ENTPD7: variants seen among roughly 807,000 people sequenced by gnomAD.
ENTPD7 encodes NTPDase 7.
In ENTPD7, 53 loss-of-function variants were observed where a neutral mutation model predicts 77.9. The observed-to-expected ratio is 0.68, with a 90% CI of 0.55 to 0.85. The LOEUF is 0.85. Ranked by LOEUF, ENTPD7 falls within the 40% of genes least tolerant of loss-of-function variation. The pLI is 0.00. For missense variants in ENTPD7, 636 were observed against 743.7 expected (o/e 0.86, Z 1.68); for synonymous variants, 248 against 274.9 (o/e 0.90, Z 0.97).
chr10:99,711,002 G>A lies in ENTPD7; in HGVS notation c.*6319G>A. The A allele has an allele frequency of 1.0e-6, 1 of 984,800 alleles. No individual in the cohort carries two copies. Among genetic ancestry groups the A allele is most frequent in the East Asian group, 1.1e-4 (1 of 8,824 alleles). 61.0% of individuals were successfully genotyped at this position (984,800 alleles called of 1,614,324 possible). The stretch of plus-strand genomic sequence containing the variant: ...TGATGACTTGTTTTTTTGGAAAAAG[G>A]TATTTGGAACATCAATCTGTAATTA... On this transcript the variant is annotated 3_prime_UTR_variant, in exon 13 of 13. Transcript: ENST00000370489.
At chr10:99,697,776 C>G (rs993556388) in intron 9 of ENTPD7, 2 of 161,124 alleles carry the variant, frequency 1.2e-5, no homozygotes, top group Non-Finnish European at 2.8e-5. Context: ...GTCCACTCTT[C>G]AACATCTGTC....
chr10:99,685,914 T>C lies in ENTPD7; in HGVS notation c.652+19T>C, dbSNP rs1168066951. ...CAGGAAGGTACTGGGCCTTAAGGGGTGCAGCTGGTTAACCTCTAAGCCAAC... is the reference window on the plus strand; with the variant it reads ...CAGGAAGGTACTGGGCCTTAAGGGGCGCAGCTGGTTAACCTCTAAGCCAAC... On this transcript the variant is annotated intron_variant, in intron 6 of 12. Coordinates refer to ENST00000370489, the MANE Select transcript of ENTPD7 (RefSeq NM_020354.5). The C allele has an allele frequency of 1.3e-6, 2 of 1,565,724 alleles. No homozygotes were observed. The highest frequency in any genetic ancestry group is 2.7e-5 in the African/African-American group (2 of 74,082).
intron 6 of ENTPD7, among the ~76,000 whole-genome samples, chr10:99,687,716 G>C (rs1028569045): frequency 1.3e-5 from 2 of 152,126 alleles, no homozygotes; most frequent in Non-Finnish European, 2.9e-5. Flanking sequence ...CCATGTATTT[G>C]TAGCTTGGAG....
intron 5 of ENTPD7, among the ~76,000 whole-genome samples, chr10:99,685,205 C>T (rs536634612): frequency 3.0e-4 from 45 of 152,214 alleles, no homozygotes; most frequent in Admixed American, 1.1e-3. Context: ...TGCAGTGAGC[C>T]GAGATCATGC....
chr10:99,670,077 C>T (rs2035602569), intron 3 of ENTPD7, among the ~76,000 whole-genome samples: 2 of 152,152 alleles, frequency 1.3e-5, no homozygotes, highest in Admixed American at 6.5e-5. Flanking sequence ...AACTATTTTT[C>T]TGGCATGTGC....
chr10:99,702,545 A>G lies in ENTPD7; in HGVS notation c.1455A>G (p.Gln485=). The change falls in exon 12 of 13, where the codon CAA becomes CAG. Residue 485 remains glutamine, a synonymous_variant. Coordinates refer to ENST00000370489, the MANE Select transcript of ENTPD7 (RefSeq NM_020354.5). ...GTTTTAAATCGGCTTGGATGTACCA[A>G]GTCTTACATGAAGGATTCCACTTTC... The part of the protein sequence containing the change: ...YQCFKSAWMY[Q]VLHEGFHFPY... 6.2e-7 allele frequency: 1 copy of G among 1,606,194 alleles called. No homozygotes were observed. Among genetic ancestry groups the G allele is most frequent in the Non-Finnish European group, 8.5e-7 (1 of 1,176,426 alleles).
In ENTPD7 at chr10:99,707,696, G is replaced by A. The variant is rs1327532081; in HGVS notation, c.*3013G>A. Among the ~76,000 whole-genome samples the A allele has an allele frequency of 1.3e-5, 2 of 152,134 alleles. No individual in the cohort carries two copies. Among genetic ancestry groups the A allele is most frequent in the Admixed American group, 6.5e-5 (1 of 15,278 alleles). The stretch of plus-strand genomic sequence containing the variant: ...CACAAACATCAAAATAGGAGTCCGT[G>A]GCTTGTAGTGATGCTTTTTAGTCTT... On this transcript the variant is annotated 3_prime_UTR_variant, in exon 13 of 13. Coordinates refer to ENST00000370489, the MANE Select transcript of ENTPD7 (RefSeq NM_020354.5).
chr10:99,698,881 G>A, intron 10 of ENTPD7, 23 bp downstream of exon 10: 1 of 1,562,326 alleles, frequency 6.4e-7, no homozygotes. Flanking sequence ...TGATAAACAT[G>A]GCTTATGCTG....
intron 3 of ENTPD7, among the ~76,000 whole-genome samples, chr10:99,662,525 A>G (rs2035499720): frequency 6.6e-6 from 1 of 152,060 alleles, no homozygotes; most frequent in African/African-American, 2.4e-5. Context: ...GCTCCACAAT[A>G]TATTGTTATT....
rs1439513615 is a variant in ENTPD7 at position 99,704,968 on chromosome 10, G to A, written c.*285G>A. ...GCTTCGACTCCTTCTGAGAGGTCTG[G>A]TGTGTTCCTAGAATCTCACCTTTTC... On this transcript the variant is annotated 3_prime_UTR_variant, in exon 13 of 13. Transcript: ENST00000370489. 12 of 414,940 alleles carry A rather than the reference G, an allele frequency of 2.9e-5. No individual in the cohort carries two copies. Among genetic ancestry groups the A allele is most frequent in the Admixed American group, 7.5e-5 (2 of 26,776 alleles). The allele number at this position is 414,940 out of a possible 1,614,324, so 25.7% of individuals were successfully genotyped here.
At chr10:99,697,217 G>T (rs1196824349) in intron 9 of ENTPD7, among the ~76,000 whole-genome samples, 4 of 152,186 alleles carry the variant, frequency 2.6e-5, no homozygotes, top group Non-Finnish European at 5.9e-5. Context: ...ATTGACTAAT[G>T]CATTAAAATC....
Position 99,688,744 on chromosome 10 carries a change from G to A in ENTPD7, c.703G>A (p.Glu235Lys). 1.9e-6 allele frequency: 3 copies of A among 1,613,840 alleles called. No homozygotes were observed. The highest frequency in any genetic ancestry group is 2.2e-5 in the East Asian group (1 of 44,810). The change falls in exon 7 of 13, where the codon GAG becomes AAG. Residue 235 changes from glutamate (E) to lysine (K), a missense_variant. Around this residue, in one of 3 missense-constraint regions of ENTPD7, gnomAD observed 486 missense variants for 556.5 expected, o/e 0.87. Coordinates refer to ENST00000370489, the MANE Select transcript of ENTPD7 (RefSeq NM_020354.5). ...INFVLGRFDH[E>K]DESDAEATQE... Reference sequence around the variant, plus strand: ...CTTTGTTTTGGGAAGATTCGACCACGAGGATGGTGAGTAATATTGTCTTTT... The same window carrying A: ...CTTTGTTTTGGGAAGATTCGACCACAAGGATGGTGAGTAATATTGTCTTTT...
At position 99,708,355 on chromosome 10, in the gene ENTPD7, ATGTTT is replaced by A. The variant is rs1283595230; in HGVS notation, c.*3679_*3683del. The stretch of plus-strand genomic sequence containing the variant: ...CTAAACAGATGCTTCTCACAGTTTT[ATGTTT>A]TGTTTTTTGTCAGGGATGAAAGACA... On this transcript the variant is annotated 3_prime_UTR_variant, in exon 13 of 13. Transcript: ENST00000370489. Among the ~76,000 whole-genome samples the A allele has an allele frequency of 6.6e-6, 1 of 152,116 alleles. No individual in the cohort carries two copies. Among genetic ancestry groups the A allele is most frequent in the Non-Finnish European group, 1.5e-5 (1 of 68,020 alleles).
In ENTPD7 at chr10:99,678,328, C is replaced by T. The variant is rs1444364715; in HGVS notation, c.192-933C>T. On this transcript the variant is annotated intron_variant, in intron 3 of 12. Coordinates refer to ENST00000370489, the MANE Select transcript of ENTPD7 (RefSeq NM_020354.5). The stretch of plus-strand genomic sequence containing the variant: ...CTAAAAATACAAAAAATTAGCCAGG[C>T]GTGGTGGCGGGTGCCTGTAGTCCCA... Among the ~76,000 whole-genome samples, 12 of 151,648 alleles carry T rather than the reference C, an allele frequency of 7.9e-5. No homozygotes were observed. The East Asian group carries it at 1.7e-3, about 22-fold the overall frequency.
chr10:99,659,688 G>A lies in ENTPD7; in HGVS notation c.-96+100G>A. 5 of 443,646 alleles carry A rather than the reference G, an allele frequency of 1.1e-5. No homozygotes were observed. Among genetic ancestry groups the A allele is most frequent in the South Asian group, 1.1e-4 (4 of 37,558 alleles). 27.5% of individuals were successfully genotyped at this position (443,646 alleles called of 1,614,324 possible). A position where few individuals can be genotyped will look rare whatever the true frequency, so the allele number is the denominator to read the frequency against. ...GGGGACGACCGGTTCCTAGAGGACA[G>A]AGCTGGCCCACGAGAACGCCCCGCT... On this transcript the variant is annotated intron_variant, in intron 1 of 12. Coordinates refer to ENST00000370489, the MANE Select transcript of ENTPD7 (RefSeq NM_020354.5). The surrounding 1 kb of genome is among the most constrained non-coding windows in gnomAD (Gnocchi z 4.1).
chr10:99,697,061 G>A (rs575990609), intron 9 of ENTPD7, among the ~76,000 whole-genome samples: 6 of 152,286 alleles, frequency 3.9e-5, no homozygotes, highest in Non-Finnish European at 8.8e-5. Context: ...GGTATACCCC[G>A]TTTGTAATAA....
intron 8 of ENTPD7, among the ~76,000 whole-genome samples, chr10:99,692,885 G>A (rs2035906702): frequency 6.6e-6 from 1 of 152,078 alleles, no homozygotes; most frequent in African/African-American, 2.4e-5. Flanking sequence ...GATGTCAGTT[G>A]TGTGACTGTG....
At chr10:99,660,558 AC>A (rs1388890928) in intron 2 of ENTPD7, 1 of 338,086 alleles carries the variant, frequency 3.0e-6, no homozygotes, top group Non-Finnish European at 5.9e-6. Context: ...ACACACACAC[AC>A]ACAGAGATAT....
At chr10:99,672,048 T>C (rs1004112849) in intron 3 of ENTPD7, among the ~76,000 whole-genome samples, 1 of 152,218 alleles carries the variant, frequency 6.6e-6, no homozygotes, top group African/African-American at 2.4e-5. Context: ...AAAGCATTTA[T>C]TCACGTTTAT....
Sources: allele counts gnomAD v4.1 joint callset (sites outside exome capture counted in the v4.1 genomes callset), GRCh38; gene constraint gnomAD v4.1.1; regional missense constraint gnomAD v4.1.1; non-coding constraint Gnocchi (gnomAD v3.1); transcripts MANE v1.5; gene names NCBI Gene and HGNC (gene_info 2026-07-23, HGNC 2026-07-21).